ELL3: variants seen among roughly 807,000 people sequenced by gnomAD.
ELL3 encodes RNA polymerase II elongation factor ELL3.
A neutral mutation model predicts 58.5 loss-of-function variants in ELL3; 48 were observed. The ratio of observed to expected loss-of-function variants is 0.82; its 90% CI spans 0.65 to 1.04. The LOEUF is 1.04. ELL3 is among the 50% of genes least tolerant of loss of function. The pLI is 0.00. For synonymous variants in ELL3, 174 were observed against 173.2 expected (o/e 1.00, Z -0.04); for missense variants, 458 against 478.4 (o/e 0.96, Z 0.40).
At chr15:43,773,678 A>G (rs545655416) in intron 9 of ELL3, among the ~76,000 whole-genome samples, 18 of 151,282 alleles carry the variant, frequency 1.2e-4, no homozygotes, top group Non-Finnish European at 2.2e-4. Flanking sequence ...AGCCTGGGCA[A>G]CCAAGTGAGA....
At position 43,776,958 on chromosome 15, in the gene ELL3, A is replaced by G. The variant is rs140343683; in HGVS notation, c.-57T>C. ...GCCACAGGCGAGGGCCACCACCGCC[A>G]CCTCCTCTGTTCAGGGTTTGGTTGG... is the stretch of plus-strand genomic sequence containing the variant. On this transcript the variant is annotated 5_prime_UTR_variant, in exon 1 of 11. Coordinates refer to ENST00000319359, the MANE Select transcript of ELL3 (RefSeq NM_025165.3). 2.0e-3 allele frequency: 3,189 copies of G among 1,597,388 alleles called. 70 individuals carry two copies. In the African/African-American group the frequency reaches 0.037, roughly 19 times the overall value.
intron 2 of ELL3, 126 bp downstream of exon 2, chr15:43,776,383 A>T: frequency 6.9e-7 from 1 of 1,441,982 alleles, no homozygotes; most frequent in African/African-American, 1.4e-5. Context: ...CTTGGAGTTC[A>T]GTTATCGGAA....
Position 43,775,525 on chromosome 15 carries a change from C to T in ELL3, c.569G>A (p.Arg190Lys), listed in dbSNP as rs2086908395. The change falls in exon 5 of 11, where the codon AGA becomes AAA. Residue 190 changes from arginine (R) to lysine (K), a missense_variant and splice_region_variant. Physicochemically the swap from Arg to Lys is conservative, Grantham distance 26 (BLOSUM62 2). Coordinates refer to ENST00000319359, the MANE Select transcript of ELL3 (RefSeq NM_025165.3). ...SREHMAQWEV[R>K]SQTHVPNREP... ...GTTAGTCCCACCCCATCCAAAGTAC[C>T]TCACTTCCCACTGTGCCATGTGCTC... 2.5e-6 allele frequency: 4 copies of T among 1,614,178 alleles called. No individual in the cohort carries two copies. The East Asian group carries it at 8.9e-5, about 36-fold the overall frequency.
At chr15:43,776,384 G>C in intron 2 of ELL3, 125 bp downstream of exon 2, 1 of 1,456,432 alleles carries the variant, frequency 6.9e-7, no homozygotes, top group Non-Finnish European at 9.4e-7. Context: ...TTGGAGTTCA[G>C]TTATCGGAAC....
chr15:43,773,366 A>G lies in ELL3; in HGVS notation c.1039-18T>C, dbSNP rs747696466. On this transcript the variant is annotated intron_variant, in intron 9 of 10. Transcript: ENST00000319359. ...TCCAGGACCTGAAACAGAAATTACT[A>G]GCACTGAGTTCAACATTAAGAAATG... is the stretch of plus-strand genomic sequence containing the variant. 3 of 1,614,030 alleles carry G rather than the reference A, an allele frequency of 1.9e-6. No individual in the cohort carries two copies. In the Admixed American group the frequency reaches 5.0e-5, roughly 27 times the overall value.
chr15:43,775,948 TAGG>T, intron 3 of ELL3, 25 bp from the exon 4 acceptor site: 1 of 1,613,478 alleles, frequency 6.2e-7, no homozygotes, highest in Non-Finnish European at 8.5e-7. Context: ...TGGAAAAAAA[TAGG>T]AGGGTGGAGA....
intron 10 of ELL3, 28 bp from the exon 11 acceptor site, chr15:43,773,254 AAG>A: frequency 6.2e-7 from 1 of 1,613,756 alleles, no homozygotes; most frequent in Non-Finnish European, 8.5e-7. Context: ...CCATGTCAAA[AAG>A]TAAAAATTCT....
chr15:43,776,052 G>A lies in ELL3; in HGVS notation c.268C>T (p.Gln90Ter). 6.2e-7 allele frequency: 1 copy of A among 1,614,032 alleles called. No homozygotes were observed. The highest frequency in any genetic ancestry group is 8.5e-7 in the Non-Finnish European group (1 of 1,179,986). ...GTTCCCCCTCACCTGAGGAAGCGTT[G>A]GCACACAAGGTCCAAGCTACCACCA... The part of the protein sequence containing the change: ...GAGGSLDLVC[Q>*]RFLRSGPNSL... Residue 90 changes from glutamine (Q) to a stop codon, truncating the protein, a stop_gained, in exon 3 of 11, where the codon CAA becomes TAA. Transcript: ENST00000319359. LOFTEE classifies it high-confidence loss of function.
chr15:43,775,688 A>G (rs746790926), intron 4 of ELL3, 34 bp downstream of exon 4: 9 of 1,613,878 alleles, frequency 5.6e-6, no homozygotes, highest in Non-Finnish European at 6.8e-6. Context: ...GCCCCACCTT[A>G]TCACAACTCC....
At position 43,776,760 on chromosome 15, in the gene ELL3, C is replaced by T. The variant is rs1490548997; in HGVS notation, c.132+10G>A. The T allele has an allele frequency of 1.3e-6, 2 of 1,596,892 alleles. No homozygotes were observed. The highest frequency in any genetic ancestry group is 8.6e-7 in the Non-Finnish European group (1 of 1,168,984). ...GGGCAGTGACTAGAGAAGAAGGGGG[C>T]CGGCCGTACCTGTTGCCGCTGACAC... On this transcript the variant is annotated intron_variant, in intron 1 of 10. Transcript: ENST00000319359.
At position 43,774,740 on chromosome 15, in the gene ELL3, C is replaced by A. The variant is rs2086902307; in HGVS notation, c.679G>T (p.Glu227Ter). The change falls in exon 7 of 11, where the codon GAA becomes TAA. Residue 227 changes from glutamate to a stop codon, truncating the protein, a stop_gained. Coordinates refer to ENST00000319359, the MANE Select transcript of ELL3 (RefSeq NM_025165.3). LOFTEE classifies it high-confidence loss of function. ...RSVPVATVELEEKRFRTLPLV... is the reference protein window; with the variant it reads ...RSVPVATVEL ...GGCAGAGTTCTGAACCTCTTTTCTT[C>A]CAGTTCTACAGTGGCTACAGGCACT... 4.3e-6 allele frequency: 7 copies of A among 1,613,318 alleles called. No individual in the cohort carries two copies. The highest frequency in any genetic ancestry group is 1.1e-5 in the South Asian group (1 of 90,946).
chr15:43,776,630 C>T (rs1245349653), intron 1 of ELL3, 86 bp from the exon 2 acceptor site: 1 of 1,548,334 alleles, frequency 6.5e-7, no homozygotes, highest in Non-Finnish European at 8.7e-7. Context: ...GATCACCTGC[C>T]TAGCGGGCTT....
In ELL3 at chr15:43,776,927, A is replaced by C; in HGVS notation, c.-26T>G. 1 of 1,606,514 alleles carries C rather than the reference A, an allele frequency of 6.2e-7. No individual in the cohort carries two copies. Among genetic ancestry groups the C allele is most frequent in the South Asian group, 1.1e-5 (1 of 90,852 alleles). On this transcript the variant is annotated 5_prime_UTR_variant, in exon 1 of 11. Coordinates refer to ENST00000319359, the MANE Select transcript of ELL3 (RefSeq NM_025165.3). ...GGCGACGAGTTCGAGTGCAAGCAGC[A>C]CGGGGGCCACAGGCGAGGGCCACCA...
In ELL3 at chr15:43,774,066, TCAAA is replaced by T. The variant is rs1442024115; in HGVS notation, c.1038+112_1038+115del. 104 of 1,353,248 alleles carry T rather than the reference TCAAA, an allele frequency of 7.7e-5. No individual in the cohort carries two copies. In the South Asian group the frequency reaches 1.4e-3, roughly 18 times the overall value. 83.8% of individuals were successfully genotyped at this position (1,353,248 alleles called of 1,614,324 possible). A position where few individuals can be genotyped will look rare whatever the true frequency, so the allele number is the denominator to read the frequency against. ...AAATGATACAGACTAATTTTTCCCT[TCAAA>T]CAGGTTTCCTTGTCACTTTGCTTAG... is the stretch of plus-strand genomic sequence containing the variant. On this transcript the variant is annotated intron_variant, in intron 9 of 10. Coordinates refer to ENST00000319359, the MANE Select transcript of ELL3 (RefSeq NM_025165.3).
Position 43,776,897 on chromosome 15 carries a change from T to C in ELL3, c.5A>G (p.Glu2Gly). ...TCCTCTCAGAGGCTCCTGGAGCTCC[T>C]CCATGGCGACGAGTTCGAGTGCAAG... M[E>G]ELQEPLRGQL... Residue 2 changes from glutamate to glycine, a missense_variant, in exon 1 of 11, where the codon GAG (glutamate) becomes GGG (glycine). Glu to Gly is a moderately conservative substitution (Grantham distance 98). Transcript: ENST00000319359. The C allele has an allele frequency of 6.2e-7, 1 of 1,610,704 alleles. No homozygotes were observed. The highest frequency in any genetic ancestry group is 8.5e-7 in the Non-Finnish European group (1 of 1,179,766).
At chr15:43,774,092 T>C (rs1005227939) in intron 9 of ELL3, 90 bp downstream of exon 9, 3 of 1,496,836 alleles carry the variant, frequency 2.0e-6, no homozygotes, top group African/African-American at 1.4e-5. Flanking sequence ...GTCACTTTGC[T>C]TAGTCACTTT....
rs1193298059 is a variant in ELL3 at position 43,776,946 on chromosome 15, G to T, written c.-45C>A. ...AGCAGCACGGGGGCCACAGGCGAGG[G>T]CCACCACCGCCACCTCCTCTGTTCA... On this transcript the variant is annotated 5_prime_UTR_variant, in exon 1 of 11. Coordinates refer to ENST00000319359, the MANE Select transcript of ELL3 (RefSeq NM_025165.3). 1 of 1,600,300 alleles carries T rather than the reference G, an allele frequency of 6.2e-7. No homozygotes were observed. Among genetic ancestry groups the T allele is most frequent in the South Asian group, 1.1e-5 (1 of 90,444 alleles).
chr15:43,774,267 T>C lies in ELL3; in HGVS notation c.953A>G (p.His318Arg), dbSNP rs754972334. ...ETDYAEYRIL[H>R]ARVGTASQRF... ...TTGGCTTGCAGTCCCAACACGGGCA[T>C]GCAGGATGCGGTATTCAGCATAATC... Residue 318 changes from histidine to arginine, a missense_variant, in exon 9 of 11, where the codon CAT becomes CGT. Coordinates refer to ENST00000319359, the MANE Select transcript of ELL3 (RefSeq NM_025165.3). The C allele has an allele frequency of 6.2e-7, 1 of 1,614,228 alleles. No homozygotes were observed. The highest frequency in any genetic ancestry group is 8.5e-7 in the Non-Finnish European group (1 of 1,180,030).
At position 43,774,781 on chromosome 15, in the gene ELL3, G is replaced by A; in HGVS notation, c.646-8C>T. On this transcript the variant is annotated splice_polypyrimidine_tract_variant and splice_region_variant and intron_variant, in intron 6 of 10. Coordinates refer to ENST00000319359, the MANE Select transcript of ELL3 (RefSeq NM_025165.3). ...TACAGGCACTGAACGTTTCTGTTGA[G>A]GAAAATATCTGTGTGACATAAACAG... is the stretch of plus-strand genomic sequence containing the variant. 1 of 1,586,516 alleles carries A rather than the reference G, an allele frequency of 6.3e-7. No homozygotes were observed. Among genetic ancestry groups the A allele is most frequent in the Non-Finnish European group, 8.5e-7 (1 of 1,171,460 alleles).
Sources: gnomAD v4.1 joint callset for allele counts (sites outside exome capture counted in the v4.1 genomes callset) on GRCh38, gnomAD v4.1.1 for gene constraint, MANE v1.5 for transcripts, NCBI Gene and HGNC (gene_info 2026-07-23, HGNC 2026-07-21) for gene names.